FAM227B: variants seen among roughly 807,000 people sequenced by gnomAD.
The protein encoded by FAM227B is family with sequence similarity 227 member B.
Under a neutral mutation model 73.8 loss-of-function variants are expected in FAM227B, and 88 were observed. The ratio of observed to expected loss-of-function variants is 1.19; its 90% CI spans 1.00 to 1.42. The LOEUF (loss-of-function observed/expected upper bound fraction) is 1.42, where lower values mean the gene tolerates loss of function less well. Ranked by LOEUF, FAM227B falls within the 40% of genes most tolerant of loss-of-function variation. The pLI is 0.00. For synonymous variants in FAM227B, 210 were observed against 190.5 expected (o/e 1.10, Z -0.84); for missense variants, 632 against 590.9 (o/e 1.07, Z -0.72).
At chr15:49,528,505 G>A (rs976673792) in intron 10 of FAM227B, among the ~76,000 whole-genome samples, 13 of 151,474 alleles carry the variant, frequency 8.6e-5, no homozygotes, top group African/African-American at 2.4e-4. Context: ...CCAGTGAGAC[G>A]TAACCTAAAA....
chr15:49,346,048 GTTA>G (rs2041440195), intron 13 of FAM227B, among the ~76,000 whole-genome samples: 1 of 117,072 alleles, frequency 8.5e-6, no homozygotes, highest in Non-Finnish European at 1.9e-5. Flanking sequence ...ACTTGCTTTT[GTTA>G]TTTTTTTTTT....
rs931029238 is a variant in FAM227B, at chr15:49,348,461, C to A, written c.1272-12965G>T. Among the ~76,000 whole-genome samples, 4 of 152,268 alleles carry A rather than the reference C, an allele frequency of 2.6e-5. No individual in the cohort carries two copies. The South Asian group carries it at 6.2e-4, about 24-fold the overall frequency. On this transcript the variant is annotated intron_variant, in intron 13 of 15. Transcript: ENST00000299338. ...CAGAAAACAGACACATGTGAGGCAACCACCAAAAGGAGCCAATTTCGTTTT... is the reference window on the plus strand; with the variant it reads ...CAGAAAACAGACACATGTGAGGCAAACACCAAAAGGAGCCAATTTCGTTTT...
chr15:49,505,052 G>A (rs975788886), intron 11 of FAM227B, among the ~76,000 whole-genome samples: 9 of 152,088 alleles, frequency 5.9e-5, no homozygotes, highest in Non-Finnish European at 7.4e-5. Context: ...CTACTATGGA[G>A]GACTACTATT....
intron 11 of FAM227B, among the ~76,000 whole-genome samples, chr15:49,394,075 T>G (rs978123950): frequency 6.6e-6 from 1 of 152,154 alleles, no homozygotes; most frequent in African/African-American, 2.4e-5. Context: ...GTATTGGTGA[T>G]GATACTGATC....
chr15:49,337,990 A>C (rs981570508), intron 13 of FAM227B, among the ~76,000 whole-genome samples: 2 of 152,164 alleles, frequency 1.3e-5, no homozygotes, highest in African/African-American at 4.8e-5. Flanking sequence ...TTTATAGTAG[A>C]ATGATTTATA....
intron 15 of FAM227B, chr15:49,329,739 T>C (rs937676870): frequency 3.6e-5 from 35 of 973,758 alleles, no homozygotes; most frequent in Non-Finnish European, 4.1e-5. Context: ...TATTTTTTAA[T>C]ACCGTGCCAT....
intron 8 of FAM227B, 143 bp downstream of exon 8, chr15:49,574,868 A>T: frequency 2.1e-6 from 1 of 477,456 alleles, no homozygotes; most frequent in South Asian, 4.0e-5. Context: ...GACATCATAT[A>T]GGATTTCTAA....
intron 8 of FAM227B, among the ~76,000 whole-genome samples, chr15:49,569,886 G>A (rs1031643022): frequency 6.6e-6 from 1 of 151,928 alleles, no homozygotes; most frequent in African/African-American, 2.4e-5. Context: ...TTGTCTTTAT[G>A]AGCCTGGCTT....
rs185834653 is a variant in FAM227B at position 49,391,432 on chromosome 15, A to G, written c.1013-20033T>C. Among the ~76,000 whole-genome samples the G allele has an allele frequency of 3.2e-3, 483 of 152,272 alleles. 7 individuals are homozygous for G. The highest frequency in any genetic ancestry group is 0.011 in the African/African-American group (457 of 41,562). ...AGAAGGACAAGATGTTTGGTTCCCT[A>G]TAGAAACTAAAGATGACACATGTCC... On this transcript the variant is annotated intron_variant, in intron 11 of 15. Coordinates refer to ENST00000299338, the MANE Select transcript of FAM227B (RefSeq NM_152647.3).
chr15:49,339,688 A>G (rs1354588608), intron 13 of FAM227B, among the ~76,000 whole-genome samples: 2 of 152,182 alleles, frequency 1.3e-5, no homozygotes, highest in Non-Finnish European at 1.5e-5. Flanking sequence ...AGAGCTGCCA[A>G]GTATGGACGT....
intron 10 of FAM227B, among the ~76,000 whole-genome samples, chr15:49,536,773 G>A: frequency 6.6e-6 from 1 of 151,982 alleles, no homozygotes; most frequent in Non-Finnish European, 1.5e-5. Flanking sequence ...AACATATGTG[G>A]TGAATTAATT....
At chr15:49,531,252 T>C (rs1270806717) in intron 10 of FAM227B, among the ~76,000 whole-genome samples, 1 of 151,884 alleles carries the variant, frequency 6.6e-6, no homozygotes, top group Admixed American at 6.6e-5. Context: ...TCTGTGTACA[T>C]ATATTATGTA....
chr15:49,529,714 T>G (rs987024962), intron 10 of FAM227B, among the ~76,000 whole-genome samples: 3 of 151,666 alleles, frequency 2.0e-5, no homozygotes, highest in Admixed American at 6.6e-5. Flanking sequence ...CCATCACAAG[T>G]ATCTCTCAAA....
intron 13 of FAM227B, among the ~76,000 whole-genome samples, chr15:49,339,420 C>A (rs1444809349): frequency 3.3e-5 from 5 of 152,148 alleles, no homozygotes; most frequent in Admixed American, 3.3e-4. Context: ...AGGTCCGCCC[C>A]AGACCCTGTT....
chr15:49,472,342 T>C (rs1232285459), intron 11 of FAM227B, among the ~76,000 whole-genome samples: 3 of 152,150 alleles, frequency 2.0e-5, no homozygotes, highest in African/African-American at 4.8e-5. Context: ...TAACCCAAGG[T>C]AGAATCCAAA....
intron 12 of FAM227B, among the ~76,000 whole-genome samples, 173 bp downstream of exon 12, chr15:49,371,129 T>G (rs1008904747): frequency 3.3e-5 from 5 of 152,184 alleles, no homozygotes; most frequent in Non-Finnish European, 7.4e-5. Context: ...AAAATAAAAC[T>G]TTTTAATATT....
intron 12 of FAM227B, 127 bp from the exon 13 acceptor site, chr15:49,367,735 A>T: frequency 1.1e-6 from 1 of 893,090 alleles, no homozygotes; most frequent in Non-Finnish European, 1.6e-6. Flanking sequence ...GAAATTCTAC[A>T]AAGCATCTTC....
intron 3 of FAM227B, among the ~76,000 whole-genome samples, chr15:49,605,445 T>C (rs35543719): frequency 0.12 from 19,011 of 152,246 alleles, 1,483 homozygotes; most frequent in East Asian, 0.36. Flanking sequence ...GTGCAGCCTG[T>C]ACACTTAATC....
chr15:49,400,533 G>A (rs1316496011), intron 11 of FAM227B, among the ~76,000 whole-genome samples: 1 of 74,462 alleles, frequency 1.3e-5, no homozygotes, highest in South Asian at 5.2e-4. Flanking sequence ...AAAAGAGCCC[G>A]CATTGCCAAG....
Sources: gnomAD v4.1 joint callset for allele counts (sites outside exome capture counted in the v4.1 genomes callset) on GRCh38, gnomAD v4.1.1 for gene constraint, MANE v1.5 for transcripts, NCBI Gene and HGNC (gene_info 2026-07-23, HGNC 2026-07-21) for gene names.